Variants in ADAMTS17 observed in about 807,000 individuals in gnomAD.
The protein encoded by ADAMTS17 is A disintegrin and metalloproteinase with thrombospondin motifs 17.
A neutral mutation model predicts 141.5 loss-of-function variants in ADAMTS17; 113 were observed. The ratio of observed to expected loss-of-function variants is 0.80; its 90% confidence interval spans 0.69 to 0.93. The LOEUF is 0.93. Among genes scored for constraint, ADAMTS17 ranks in the 40% least tolerant of loss-of-function variants. ADAMTS17 has a pLI of 0.00. For missense variants in ADAMTS17, 1,659 were observed against 1,517.9 expected (o/e 1.09, Z -1.54); for synonymous variants, 768 against 630.6 (o/e 1.22, Z -3.27).
intron 15 of ADAMTS17, among the ~76,000 whole-genome samples, chr15:100,059,125 G>T (rs1308499889): frequency 1.3e-5 from 2 of 152,232 alleles, no homozygotes; most frequent in African/African-American, 4.8e-5. Flanking sequence ...AACGAATTCT[G>T]AAGATGCTTG....
chr15:100,145,841 C>G (rs1461508142), intron 10 of ADAMTS17, among the ~76,000 whole-genome samples: 1 of 152,228 alleles, frequency 6.6e-6, no homozygotes, highest in Admixed American at 6.5e-5. Context: ...ACTAAGTTGA[C>G]ATTCTAATCT....
chr15:100,181,690 T>G (rs750015789), intron 8 of ADAMTS17, among the ~76,000 whole-genome samples: 42 of 152,254 alleles, frequency 2.8e-4, no homozygotes, highest in Admixed American at 2.5e-3. Flanking sequence ...GTATTCAAGA[T>G]GCAAGACAAT....
chr15:100,206,240 G>A lies in ADAMTS17; in HGVS notation c.1076-6817C>T, dbSNP rs192871921. 5.8e-4 allele frequency among the ~76,000 whole-genome samples: 88 copies of A among 152,322 alleles called. 2 individuals are homozygous for A. The East Asian group carries it at 0.014, about 24-fold the overall frequency. On this transcript the variant is annotated intron_variant, in intron 7 of 21. Coordinates refer to ENST00000268070, the MANE Select transcript of ADAMTS17 (RefSeq NM_139057.4). ...CCTGTCTTCTAGCATTTGGCATTCA[G>A]GAAACACCATGCCCTGACCAGCCTG...
intron 17 of ADAMTS17, among the ~76,000 whole-genome samples, chr15:100,049,404 T>G (rs1298940592): frequency 6.6e-6 from 1 of 152,184 alleles, no homozygotes; most frequent in Non-Finnish European, 1.5e-5. Context: ...TGGCTACCTA[T>G]TACAGAATTC....
chr15:100,165,543 G>A (rs1012610385), intron 8 of ADAMTS17, among the ~76,000 whole-genome samples: 4 of 152,170 alleles, frequency 2.6e-5, no homozygotes, highest in Non-Finnish European at 4.4e-5. Flanking sequence ...ATCCAAAAAT[G>A]CATCTAGAGC....
chr15:100,233,888 G>C (rs995229051), intron 7 of ADAMTS17, among the ~76,000 whole-genome samples: 8 of 152,140 alleles, frequency 5.3e-5, no homozygotes, highest in African/African-American at 1.4e-4. Context: ...CAGGAAGAGA[G>C]GTTGGCAGGA....
chr15:100,293,230 G>A (rs1567499018), intron 3 of ADAMTS17, among the ~76,000 whole-genome samples: 1 of 152,168 alleles, frequency 6.6e-6, no homozygotes, highest in Non-Finnish European at 1.5e-5. Context: ...AGAACTCCAA[G>A]AAAGGCCAAT....
At chr15:100,077,725 C>T (rs2034476006) in intron 15 of ADAMTS17, among the ~76,000 whole-genome samples, 1 of 152,162 alleles carries the variant, frequency 6.6e-6, no homozygotes, top group Non-Finnish European at 1.5e-5. Context: ...GGACGTCCTG[C>T]TACTCCCATT....
rs143697757 is a variant in ADAMTS17 at position 100,116,986 on chromosome 15, C to T, written c.1749G>A (p.Pro583=). 138 of 1,613,088 alleles carry T rather than the reference C, an allele frequency of 8.6e-5. No individual in the cohort carries two copies. Among genetic ancestry groups the T allele is most frequent in the Middle Eastern group, 1.7e-4 (1 of 5,948 alleles). Residue 583 remains proline, a synonymous_variant, in exon 13 of 22, where the codon CCG becomes CCA. Coordinates refer to ENST00000268070, the MANE Select transcript of ADAMTS17 (RefSeq NM_139057.4). ...PPPGPGGTHC[P]GASVEHAVCE... The stretch of plus-strand genomic sequence containing the variant: ...AGACCGCATGTTCTACACTGGCACC[C>T]GGGCAGTGTGTGCCTCCAGGCCCAG...
chr15:100,177,809 G>GT (rs2040389184), intron 8 of ADAMTS17, among the ~76,000 whole-genome samples: 1 of 152,066 alleles, frequency 6.6e-6, no homozygotes, highest in African/African-American at 2.4e-5. Context: ...TCTCAGGTTA[G>GT]TTTTTGTTTC....
chr15:100,116,719 G>C (rs1369419550), intron 13 of ADAMTS17, 128 bp downstream of exon 13: 6 of 1,300,996 alleles, frequency 4.6e-6, no homozygotes, highest in African/African-American at 4.4e-5. Context: ...AGCTGAGCTG[G>C]GCAGAGGACT....
chr15:100,117,163 C>T, intron 12 of ADAMTS17, 150 bp from the exon 13 acceptor site: 1 of 885,696 alleles, frequency 1.1e-6, no homozygotes, highest in Admixed American at 2.0e-5. Context: ...GACCAAATGC[C>T]CACAATCCCA....
chr15:100,028,982 G>C (rs2029877217), intron 18 of ADAMTS17, among the ~76,000 whole-genome samples: 1 of 152,184 alleles, frequency 6.6e-6, no homozygotes, highest in South Asian at 2.1e-4. Context: ...ACCTTTCTTA[G>C]CAAGGCTGTT....
intron 2 of ADAMTS17, among the ~76,000 whole-genome samples, chr15:100,336,865 C>T (rs1269736159): frequency 2.0e-5 from 3 of 152,146 alleles, no homozygotes; most frequent in African/African-American, 7.2e-5. Flanking sequence ...AAAGTGGGGT[C>T]CCCAACACTT....
chr15:100,194,427 A>G (rs1555477342), intron 8 of ADAMTS17, among the ~76,000 whole-genome samples: 1 of 152,206 alleles, frequency 6.6e-6, no homozygotes, highest in Non-Finnish European at 1.5e-5. Flanking sequence ...ACTTTCTTTT[A>G]TACCGGAGCT....
chr15:100,339,220 T>A, intron 2 of ADAMTS17: 14 of 947,582 alleles, frequency 1.5e-5, no homozygotes, highest in Non-Finnish European at 1.8e-5. Flanking sequence ...AGAAGCTGGC[T>A]GAGATGCCAT....
chr15:100,307,162 T>C (rs56263103), intron 3 of ADAMTS17, among the ~76,000 whole-genome samples: 18,253 of 152,212 alleles, frequency 0.12, 1,341 homozygotes, highest in African/African-American at 0.2. Flanking sequence ...ACCAAACCAA[T>C]GAAGCTGTCT....
intron 15 of ADAMTS17, among the ~76,000 whole-genome samples, chr15:100,087,083 T>C (rs532322210): frequency 1.3e-4 from 20 of 152,264 alleles, no homozygotes; most frequent in East Asian, 1.9e-4. Context: ...AACAAATTGA[T>C]AGACCACTAG....
chr15:100,321,786 GCAGGTC>G (rs904779806), intron 3 of ADAMTS17, among the ~76,000 whole-genome samples: 1 of 152,156 alleles, frequency 6.6e-6, no homozygotes, highest in African/African-American at 2.4e-5. Context: ...AACAAATCAA[GCAGGTC>G]CAAAATAATG....
Sources: allele counts gnomAD v4.1 joint callset (sites outside exome capture counted in the v4.1 genomes callset), GRCh38; gene constraint gnomAD v4.1.1; transcripts MANE v1.5; gene names NCBI Gene and HGNC (gene_info 2026-07-23, HGNC 2026-07-21).